Variants in NPSR1 observed in about 807,000 individuals in gnomAD.
The protein encoded by NPSR1 is neuropeptide S receptor 1.
NPSR1 carries 48 observed loss-of-function variants against 46.9 expected under a neutral mutation model. The observed-to-expected ratio is 1.02, with a 90% CI of 0.81 to 1.30. The LOEUF is 1.30. Ranked by LOEUF, NPSR1 falls within the 50% of genes most tolerant of loss-of-function variation. NPSR1 has a pLI of 0.00. For synonymous variants in NPSR1, 176 were observed against 168.1 expected, an observed-to-expected ratio of 1.05 and a Z score of -0.36; for missense variants, 450 against 449.5, an observed-to-expected ratio of 1.00 and a Z score of -0.01.
Position 34,827,598 on chromosome 7 carries a change from A to C in NPSR1, c.676A>C (p.Ile226Leu), listed in dbSNP as rs775056642. The C allele has an allele frequency of 1.6e-6, 2 of 1,238,556 alleles. No homozygotes were observed. The highest frequency in any genetic ancestry group is 3.3e-5 in the African/African-American group (2 of 60,712). 76.7% of individuals were successfully genotyped at this position (1,238,556 alleles called of 1,614,324 possible). A position where few individuals can be genotyped will look rare whatever the true frequency, so the allele number is the denominator to read the frequency against. ...FLVYFIPLTIISIMYGIVIRT... is the reference protein window; with the variant it reads ...FLVYFIPLTILSIMYGIVIRT... ...GGTGTACTTCATCCCTCTGACAATC[A>C]TCAGGTAAGAAGCCGTCAGGACAGG... The change falls in exon 5 of 9, where the codon ATC becomes CTC. Residue 226 changes from isoleucine to leucine, a missense_variant. By Grantham distance (5) the Ile-to-Leu change is conservative. Transcript: ENST00000360581.
chr7:34,754,335 A>G (rs1034295427), intron 2 of NPSR1, among the ~76,000 whole-genome samples: 4 of 152,222 alleles, frequency 2.6e-5, no homozygotes, highest in Non-Finnish European at 5.9e-5. Flanking sequence ...CTTCTGAAAA[A>G]AGAACTGAGT....
intron 2 of NPSR1, among the ~76,000 whole-genome samples, chr7:34,686,524 T>C (rs1343124784): frequency 6.6e-6 from 1 of 152,180 alleles, no homozygotes; most frequent in Non-Finnish European, 1.5e-5. Context: ...TTGAGACATA[T>C]ATAAAAATGT....
intron 4 of NPSR1, among the ~76,000 whole-genome samples, chr7:34,813,980 C>A (rs1437573418): frequency 5.9e-5 from 9 of 152,216 alleles, no homozygotes; most frequent in Non-Finnish European, 8.8e-5. Flanking sequence ...GTCTGCAGCT[C>A]CCAGCATGAT....
chr7:34,716,533 T>G (rs1783578700), intron 2 of NPSR1, among the ~76,000 whole-genome samples: 1 of 152,222 alleles, frequency 6.6e-6, no homozygotes, highest in Non-Finnish European at 1.5e-5. Context: ...TTATTTCATC[T>G]GTCAAATAGA....
chr7:34,824,776 A>T (rs542818518), intron 4 of NPSR1, among the ~76,000 whole-genome samples: 7 of 152,258 alleles, frequency 4.6e-5, no homozygotes, highest in Admixed American at 3.3e-4. Context: ...GAAGAAGATG[A>T]CATTAGAATT....
chr7:34,805,999 A>C (rs1788680940), intron 3 of NPSR1, among the ~76,000 whole-genome samples: 1 of 152,050 alleles, frequency 6.6e-6, no homozygotes, highest in Admixed American at 6.5e-5. Context: ...CTATTAGATA[A>C]TCACTAAAAT....
chr7:34,712,619 G>C (rs36126041), intron 2 of NPSR1, among the ~76,000 whole-genome samples: 2,030 of 152,286 alleles, frequency 0.013, 21 homozygotes, highest in Non-Finnish European at 0.023. Context: ...CCAGGAGCAG[G>C]AGTTGGAATG....
chr7:34,772,588 C>T (rs1786737264), intron 2 of NPSR1, among the ~76,000 whole-genome samples: 1 of 152,116 alleles, frequency 6.6e-6, no homozygotes, highest in Non-Finnish European at 1.5e-5. Context: ...TCAATACTTG[C>T]CTTGTCTTTG....
chr7:34,850,198 T>C (rs753794112), downstream of NPSR1, among the ~76,000 whole-genome samples: 2 of 152,206 alleles, frequency 1.3e-5, no homozygotes, highest in African/African-American at 4.8e-5. Context: ...GGTTTGCAGA[T>C]GGGTGTGCTG....
At chr7:34,690,725 CG>C in intron 2 of NPSR1, among the ~76,000 whole-genome samples, 1 of 152,168 alleles carries the variant, frequency 6.6e-6, no homozygotes, top group Non-Finnish European at 1.5e-5. Flanking sequence ...TTGATAAATA[CG>C]GGATTATGTA....
At chr7:34,677,529 T>C (rs774991367) in intron 1 of NPSR1, among the ~76,000 whole-genome samples, 2 of 152,214 alleles carry the variant, frequency 1.3e-5, no homozygotes, top group Non-Finnish European at 2.9e-5. Flanking sequence ...TAATTTCAGT[T>C]GAAAAGGCTT....
chr7:34,776,621 G>A (rs910511531), intron 2 of NPSR1, among the ~76,000 whole-genome samples: 3 of 152,008 alleles, frequency 2.0e-5, no homozygotes, highest in Non-Finnish European at 4.4e-5. Context: ...TGTGTTTCTT[G>A]TAAGCAACAG....
intron 2 of NPSR1, among the ~76,000 whole-genome samples, chr7:34,689,498 G>A (rs773701546): frequency 2.4e-4 from 36 of 150,072 alleles, no homozygotes; most frequent in Non-Finnish European, 4.0e-4. Context: ...ACAGCTACTC[G>A]GGAGGCTGAG....
chr7:34,854,316 C>G (rs6462582), downstream of NPSR1, among the ~76,000 whole-genome samples: 2 of 151,908 alleles, frequency 1.3e-5, no homozygotes, highest in Admixed American at 6.6e-5. Context: ...TCCAAACTTA[C>G]TAGTAATTAT....
intron 3 of NPSR1, among the ~76,000 whole-genome samples, chr7:34,810,113 C>T (rs1788909225): frequency 6.6e-6 from 1 of 152,056 alleles, no homozygotes; most frequent in African/African-American, 2.4e-5. Context: ...TTTGTCTGAG[C>T]CAGAGAAAGA....
At chr7:34,749,307 G>T (rs1354205184) in intron 2 of NPSR1, among the ~76,000 whole-genome samples, 3 of 152,128 alleles carry the variant, frequency 2.0e-5, no homozygotes, top group African/African-American at 7.2e-5. Flanking sequence ...TGATTCTCTA[G>T]CTCCTTATCC....
At chr7:34,786,355 A>G (rs1348649843) in intron 3 of NPSR1, among the ~76,000 whole-genome samples, 1 of 152,156 alleles carries the variant, frequency 6.6e-6, no homozygotes, top group Non-Finnish European at 1.5e-5. Context: ...TCACATGTAC[A>G]CACTCCACTT....
chr7:34,863,440 G>A (rs1257785345), intron 8 of NPSR1, among the ~76,000 whole-genome samples: 1 of 151,724 alleles, frequency 6.6e-6, no homozygotes. Flanking sequence ...AGAGTGAACA[G>A]GCAACCTACA....
chr7:34,799,216 A>G (rs1213586073), intron 3 of NPSR1, among the ~76,000 whole-genome samples: 1 of 152,156 alleles, frequency 6.6e-6, no homozygotes, highest in Admixed American at 6.5e-5. Flanking sequence ...ATGTATACAT[A>G]AACACGTTAT....
Sources: gnomAD v4.1 joint callset for allele counts (sites outside exome capture counted in the v4.1 genomes callset) on GRCh38, gnomAD v4.1.1 for gene constraint, MANE v1.5 for transcripts, NCBI Gene and HGNC (gene_info 2026-07-23, HGNC 2026-07-21) for gene names.